HEY2: variants seen among roughly 807,000 people sequenced by gnomAD.
HEY2 encodes hairy/enhancer-of-split related with YRPW motif protein 2.
In HEY2, 10 loss-of-function variants were observed where a neutral mutation model predicts 18.1. The observed-to-expected ratio is 0.55, with a 90% CI of 0.34 to 0.94. The LOEUF (loss-of-function observed/expected upper bound fraction) is 0.94. Ranked by LOEUF, HEY2 falls within the 40% of genes least tolerant of loss-of-function variation. HEY2 has a pLI of 0.02. For synonymous variants in HEY2, 210 were observed against 182.7 expected, an observed-to-expected ratio of 1.15 and a Z score of -1.21; for missense variants, 455 against 455.9, an observed-to-expected ratio of 1.00 and a Z score of 0.02.
chr6:125,751,712 A>G, intron 1 of HEY2, 89 bp from the exon 2 acceptor site: 1 of 830,528 alleles, frequency 1.2e-6, no homozygotes, highest in South Asian at 1.6e-5. Context: ...CTGTGCAATC[A>G]CTCTGAATAT....
Position 125,759,782 on chromosome 6 carries a change from A to T in HEY2, c.994A>T (p.Thr332Ser), listed in dbSNP as rs766048408. 16 of 1,613,810 alleles carry T rather than the reference A, an allele frequency of 9.9e-6. 2 individuals carry two copies. The South Asian group carries it at 1.8e-4, about 18-fold the overall frequency. The change falls in exon 5 of 5, where the codon ACA becomes TCA. Residue 332 changes from threonine to serine, a missense_variant. Thr to Ser is a moderately conservative substitution (Grantham distance 58, BLOSUM62 1). Coordinates refer to ENST00000368364, the MANE Select transcript of HEY2 (RefSeq NM_012259.3). ...TNNKPYRPWG[T>S]EVGAF ...CAATAAACCTTACCGACCCTGGGGG[A>T]CAGAAGTTGGAGCTTTTTAAATTTT...
Position 125,759,969 on chromosome 6 carries a change from T to G in HEY2, c.*167T>G. On this transcript the variant is annotated 3_prime_UTR_variant, in exon 5 of 5. Transcript: ENST00000368364. Reference sequence around the variant, plus strand: ...CGAGTGGAAATGTGGTATTCTCTTTTTTTTCTCTCCCTTTTTTGTTTGGTT... The same window carrying G: ...CGAGTGGAAATGTGGTATTCTCTTTGTTTTCTCTCCCTTTTTTGTTTGGTT... 1.5e-6 allele frequency: 1 copy of G among 652,466 alleles called. No individual in the cohort carries two copies. Among genetic ancestry groups the G allele is most frequent in the Non-Finnish European group, 2.6e-6 (1 of 387,112 alleles). 40.4% of individuals were successfully genotyped at this position (652,466 alleles called of 1,614,324 possible). A position where few individuals can be genotyped will look rare whatever the true frequency, so the allele number is the denominator to read the frequency against.
At chr6:125,750,364 C>T in intron 1 of HEY2, 1 of 985,422 alleles carries the variant, frequency 1.0e-6, no homozygotes, top group Non-Finnish European at 1.2e-6. Context: ...ACTTGGCTAA[C>T]GCAAGAGTGA....
intron 1 of HEY2, 86 bp from the exon 2 acceptor site, chr6:125,751,715 C>A: frequency 1.2e-6 from 1 of 854,800 alleles, no homozygotes; most frequent in Non-Finnish European, 1.9e-6. Context: ...TGCAATCACT[C>A]TGAATATTTA....
chr6:125,753,635 C>A (rs1583188624), intron 3 of HEY2, among the ~76,000 whole-genome samples: 1 of 151,750 alleles, frequency 6.6e-6, no homozygotes, highest in Middle Eastern at 3.4e-3. Flanking sequence ...ACCCACAGTC[C>A]CCGAGACAGC....
At chr6:125,753,089 A>AT (rs35914706) in intron 3 of HEY2, among the ~76,000 whole-genome samples, 3 of 152,226 alleles carry the variant, frequency 2.0e-5, no homozygotes, top group South Asian at 4.1e-4. Context: ...CTGATTATAC[A>AT]TTTTTAAGAC....
Position 125,760,173 on chromosome 6 carries a change from G to T in HEY2, c.*371G>T, listed in dbSNP as rs3734637. 101,004 of 186,866 alleles carry T rather than the reference G, an allele frequency of 0.54. 28,037 individuals are homozygous for T. Among genetic ancestry groups the T allele is most frequent in the East Asian group, 0.73 (4,523 of 6,208 alleles). The allele number at this position is 186,866 out of a possible 1,614,324, so 11.6% of individuals were successfully genotyped here. A position where few individuals can be genotyped will look rare whatever the true frequency, so the allele number is the denominator to read the frequency against. ...AGACTAGATGGGACATACATATATAGAGAGAGAGTGAGAGAGTCGTGTTTC... is the reference window on the plus strand; with the variant it reads ...AGACTAGATGGGACATACATATATATAGAGAGAGTGAGAGAGTCGTGTTTC... On this transcript the variant is annotated 3_prime_UTR_variant, in exon 5 of 5. Coordinates refer to ENST00000368364, the MANE Select transcript of HEY2 (RefSeq NM_012259.3).
intron 4 of HEY2, among the ~76,000 whole-genome samples, chr6:125,758,711 C>A (rs1773717207): frequency 6.6e-6 from 1 of 152,156 alleles, no homozygotes; most frequent in African/African-American, 2.4e-5. Flanking sequence ...GTGACAGAGA[C>A]AGAGAGACTG....
At position 125,759,693 on chromosome 6, in the gene HEY2, C is replaced by A. The variant is rs1334561185; in HGVS notation, c.905C>A (p.Ala302Asp). The A allele has an allele frequency of 1.2e-6, 2 of 1,612,820 alleles. No homozygotes were observed. Among genetic ancestry groups the A allele is most frequent in the African/African-American group, 1.3e-5 (1 of 74,930 alleles). Residue 302 changes from alanine to aspartate, a missense_variant, in exon 5 of 5, where the codon GCC becomes GAC. Coordinates refer to ENST00000368364, the MANE Select transcript of HEY2 (RefSeq NM_012259.3). Reference protein sequence around the residue: ...NAAAAVAAATAISPPLSVSAT... With the variant: ...NAAAAVAAATDISPPLSVSAT... ...GCAGCAGCAGTGGCCGCGGCCACAG[C>A]CATCAGCCCGCCCTTGTCAGTATCA...
intron 4 of HEY2, among the ~76,000 whole-genome samples, chr6:125,758,588 G>C (rs1246763834): frequency 6.6e-6 from 1 of 152,166 alleles, no homozygotes; most frequent in Admixed American, 6.5e-5. Context: ...TGAATTTATT[G>C]CGATTCTAGC....
At chr6:125,758,919 A>G (rs1773720965) in intron 4 of HEY2, among the ~76,000 whole-genome samples, 198 bp from the exon 5 acceptor site, 1 of 152,234 alleles carries the variant, frequency 6.6e-6, no homozygotes, top group South Asian at 2.1e-4. Context: ...GTGGCAAAGT[A>G]TACTTTCTTA....
chr6:125,751,692 C>A, intron 1 of HEY2, 109 bp from the exon 2 acceptor site: 2 of 670,878 alleles, frequency 3.0e-6, no homozygotes, highest in South Asian at 2.4e-5. Context: ...TAAAATAACA[C>A]AGACTTGAAC....
At position 125,751,860 on chromosome 6, in the gene HEY2, C is replaced by G; in HGVS notation, c.143C>G (p.Ala48Gly). Reference protein sequence around the residue: ...NSPTTTSQIMARKKRRGIIEK... With the variant: ...NSPTTTSQIMGRKKRRGIIEK... ...CCAACAACAACATCTCAGATTATGG[C>G]AAGAAAGAAAAGGAGAGGGGTATGT... The change falls in exon 2 of 5, where the codon GCA becomes GGA. Residue 48 changes from alanine (A) to glycine (G), a missense_variant. Coordinates refer to ENST00000368364, the MANE Select transcript of HEY2 (RefSeq NM_012259.3). 1 of 1,613,244 alleles carries G rather than the reference C, an allele frequency of 6.2e-7. No individual in the cohort carries two copies. Among genetic ancestry groups the G allele is most frequent in the Non-Finnish European group, 8.5e-7 (1 of 1,179,262 alleles).
chr6:125,750,758 G>A (rs1016019493), intron 1 of HEY2, among the ~76,000 whole-genome samples: 1 of 152,180 alleles, frequency 6.6e-6, no homozygotes, highest in African/African-American at 2.4e-5. Context: ...TAAAAATGAG[G>A]TCTGAAAAAC....
At chr6:125,756,232 A>C (rs1248823525) in intron 4 of HEY2, among the ~76,000 whole-genome samples, 8 of 152,210 alleles carry the variant, frequency 5.3e-5, no homozygotes, top group Non-Finnish European at 1.0e-4. Context: ...CCTGACTGTC[A>C]GGCCATTGAA....
chr6:125,754,320 A>T, intron 3 of HEY2, 145 bp from the exon 4 acceptor site: 1 of 431,216 alleles, frequency 2.3e-6, no homozygotes, highest in Non-Finnish European at 4.1e-6. Flanking sequence ...GTTTGGAAAG[A>T]ATTCGAAGTT....
In HEY2 at chr6:125,759,302, T is replaced by C. The variant is rs771962430; in HGVS notation, c.514T>C (p.Ser172Pro). The change falls in exon 5 of 5, where the codon TCC becomes CCC. Residue 172 changes from serine (S) to proline (P), a missense_variant. Ser to Pro is a moderately conservative substitution (Grantham distance 74, BLOSUM62 -1). Coordinates refer to ENST00000368364, the MANE Select transcript of HEY2 (RefSeq NM_012259.3). ...TQREAAAMTSSMAHHHHPLHP... is the reference protein window; with the variant it reads ...TQREAAAMTSPMAHHHHPLHP... ...GCGGGAGGCGGCGGCCATGACATCC[T>C]CCATGGCCCACCACCATCATCCGCT... 74 of 1,605,772 alleles carry C rather than the reference T, an allele frequency of 4.6e-5. No individual in the cohort carries two copies. Among genetic ancestry groups the C allele is most frequent in the Admixed American group, 1.8e-4 (11 of 59,936 alleles).
At chr6:125,758,712 A>G (rs1373700638) in intron 4 of HEY2, among the ~76,000 whole-genome samples, 2 of 152,196 alleles carry the variant, frequency 1.3e-5, no homozygotes, top group Admixed American at 1.3e-4. Flanking sequence ...TGACAGAGAC[A>G]GAGAGACTGG....
In HEY2 at chr6:125,753,406, TG is replaced by T. The variant is rs1773589389; in HGVS notation, c.247-1057del. Among the ~76,000 whole-genome samples, 3 of 152,166 alleles carry T rather than the reference TG, an allele frequency of 2.0e-5. No individual in the cohort carries two copies. The South Asian group carries it at 6.2e-4, about 32-fold the overall frequency. ...CACAAGCTTTCCCATTTGCAGAGCT[TG>T]GCTACCAACCCAAGTGAGTTGGCCC... On this transcript the variant is annotated intron_variant, in intron 3 of 4. Coordinates refer to ENST00000368364, the MANE Select transcript of HEY2 (RefSeq NM_012259.3).
Sources: allele counts gnomAD v4.1 joint callset (sites outside exome capture counted in the v4.1 genomes callset), GRCh38; gene constraint gnomAD v4.1.1; transcripts MANE v1.5; gene names NCBI Gene and HGNC (gene_info 2026-07-23, HGNC 2026-07-21).